Variants in SPATA9 observed in about 807,000 individuals in gnomAD.
SPATA9 encodes the protein spermatogenesis associated 9.
SPATA9 carries 27 observed loss-of-function variants against 25.5 expected under a neutral mutation model. The observed-to-expected ratio is 1.06, with a 90% CI of 0.78 to 1.46. The LOEUF is 1.46. SPATA9 is among the 40% of genes most tolerant of loss of function. The pLI, the probability that SPATA9 is intolerant of heterozygous loss-of-function variation, is 0.00. For missense variants in SPATA9, 282 were observed against 297.5 expected (o/e 0.95, Z 0.38); for synonymous variants, 102 against 105.7 (o/e 0.97, Z 0.21).
the SPATA9 span, among the ~76,000 whole-genome samples, chr5:95,710,593 C>A: frequency 6.6e-6 from 1 of 152,264 alleles, no homozygotes; most frequent in South Asian, 2.1e-4. Context: ...AGTAAGCACC[C>A]CTTTAGCAAC....
the SPATA9 span, among the ~76,000 whole-genome samples, chr5:95,726,332 G>A: frequency 6.6e-6 from 1 of 152,300 alleles, no homozygotes; most frequent in Non-Finnish European, 1.5e-5. Flanking sequence ...CAGCTCAGAA[G>A]AGACTTTGTA....
chr5:95,656,344 G>C, downstream of SPATA9: 1 of 1,517,118 alleles, frequency 6.6e-7, no homozygotes, highest in Non-Finnish European at 9.0e-7. Flanking sequence ...TGTTGTGTAT[G>C]CTTGAAAACA....
At chr5:95,659,250 A>T (rs1463424106) in intron 4 of SPATA9, 1 of 196,168 alleles carries the variant, frequency 5.1e-6, no homozygotes, top group Admixed American at 5.5e-5. Context: ...GTCCTCAAAC[A>T]TGGTTTTTCT....
At position 95,675,614 on chromosome 5, in the gene SPATA9, G is replaced by A; in HGVS notation, c.176C>T (p.Ser59Phe). Reference sequence around the variant, plus strand: ...TAAAGCAATAGCCATCCTGATTTTGGATGTTTTCTGCGCAGGTTCTCTTTT... The same window carrying A: ...TAAAGCAATAGCCATCCTGATTTTGAATGTTTTCTGCGCAGGTTCTCTTTT... ...NQKREPAQKT[S>F]KIRMAIALAK... Residue 59 changes from serine to phenylalanine, a missense_variant, in exon 3 of 5, where the codon TCC becomes TTC. Physicochemically the swap from Ser to Phe is radical, Grantham distance 155 (BLOSUM62 -2). Transcript: ENST00000274432. 1 of 1,614,096 alleles carries A rather than the reference G, an allele frequency of 6.2e-7. No homozygotes were observed. Among genetic ancestry groups the A allele is most frequent in the Non-Finnish European group, 8.5e-7 (1 of 1,180,012 alleles).
At position 95,688,343 on chromosome 5, in the gene SPATA9, C is replaced by T. The variant is rs866558653; in HGVS notation, n.124+10245G>A. ...TCAAAACTCACTGCAGCCCCAAACT[C>T]CTGGTTTCAAATGATCTTCCCACCT... On this transcript the variant is annotated intron_variant and non_coding_transcript_variant, in intron 1 of 2. Transcript: ENST00000379990. Among the ~76,000 whole-genome samples, 21 of 152,252 alleles carry T rather than the reference C, an allele frequency of 1.4e-4. No individual in the cohort carries two copies. In the Middle Eastern group the frequency reaches 0.014, roughly 99 times the overall value.
chr5:95,696,266 G>C (rs1232581420), intron 1 of SPATA9, among the ~76,000 whole-genome samples: 1 of 147,454 alleles, frequency 6.8e-6, no homozygotes, highest in Non-Finnish European at 1.5e-5. Context: ...TTTTTACATA[G>C]TAAAATAAAA....
the SPATA9 span, among the ~76,000 whole-genome samples, chr5:95,712,089 T>C: frequency 1.3e-5 from 2 of 152,200 alleles, no homozygotes. Flanking sequence ...CATAAATGAC[T>C]AAGTTTTACA....
chr5:95,669,516 G>A (rs892081748), intron 3 of SPATA9, among the ~76,000 whole-genome samples: 5 of 152,242 alleles, frequency 3.3e-5, no homozygotes, highest in East Asian at 1.9e-4. Context: ...CATTGTAAAC[G>A]CTGAGGATTT....
At chr5:95,659,165 C>A in intron 4 of SPATA9, 1 of 356,214 alleles carries the variant, frequency 2.8e-6, no homozygotes, top group Non-Finnish European at 5.0e-6. Context: ...ATCTTTTCCC[C>A]CCAATTCATT....
intron 3 of SPATA9, among the ~76,000 whole-genome samples, chr5:95,668,426 TA>T (rs1180470268): frequency 1.3e-5 from 2 of 152,206 alleles, no homozygotes; most frequent in African/African-American, 4.8e-5. Context: ...ATGATTCACT[TA>T]AAAAACATGT....
In SPATA9 at chr5:95,682,625, A is replaced by G; in HGVS notation, c.62-9T>C. 1 of 1,604,490 alleles carries G rather than the reference A, an allele frequency of 6.2e-7. No homozygotes were observed. Among genetic ancestry groups the G allele is most frequent in the Non-Finnish European group, 8.5e-7 (1 of 1,175,982 alleles). On this transcript the variant is annotated splice_polypyrimidine_tract_variant and intron_variant, in intron 1 of 4. Transcript: ENST00000274432. ...TTTCTGGATCCCCTCGACTAAGACAAAAAGAGGTTAGGAAAAAGAAAACTT... is the reference window on the plus strand; with the variant it reads ...TTTCTGGATCCCCTCGACTAAGACAGAAAGAGGTTAGGAAAAAGAAAACTT...
intron 1 of SPATA9, among the ~76,000 whole-genome samples, chr5:95,689,121 A>AAT (rs1753821621): frequency 6.6e-6 from 1 of 152,226 alleles, no homozygotes; most frequent in Non-Finnish European, 1.5e-5. Flanking sequence ...CGTTATAGTG[A>AAT]ATACTGGCTC....
At chr5:95,691,140 C>T (rs529686193) in intron 1 of SPATA9, among the ~76,000 whole-genome samples, 27 of 150,194 alleles carry the variant, frequency 1.8e-4, no homozygotes, top group Admixed American at 3.3e-4. Context: ...GGCGTGAACC[C>T]GGGAGGGGGA....
At chr5:95,707,327 C>A in the SPATA9 span, among the ~76,000 whole-genome samples, 1 of 151,830 alleles carries the variant, frequency 6.6e-6, no homozygotes, top group South Asian at 2.1e-4. Flanking sequence ...ACCTTTAGAA[C>A]AAGAATAATT....
At chr5:95,661,180 C>T (rs898713389) in intron 4 of SPATA9, among the ~76,000 whole-genome samples, 1 of 152,058 alleles carries the variant, frequency 6.6e-6, no homozygotes, top group Non-Finnish European at 1.5e-5. Flanking sequence ...TCACAACATC[C>T]TGAGTCTATT....
the SPATA9 span, among the ~76,000 whole-genome samples, chr5:95,727,880 A>G: frequency 6.6e-6 from 1 of 152,214 alleles, no homozygotes; most frequent in South Asian, 2.1e-4. Flanking sequence ...TTTATCACTC[A>G]AATCACAGTA....
chr5:95,669,930 C>T (rs1252427433), intron 3 of SPATA9, among the ~76,000 whole-genome samples: 1 of 152,040 alleles, frequency 6.6e-6, no homozygotes, highest in African/African-American at 2.4e-5. Context: ...TCCTGCAGAA[C>T]CTGGAGGGGT....
chr5:95,654,157 G>A, downstream of SPATA9: 1 of 1,612,474 alleles, frequency 6.2e-7, no homozygotes, highest in Non-Finnish European at 8.5e-7. Context: ...CTGAAAGAAT[G>A]ACAGCTGTTG....
chr5:95,720,672 A>G, the SPATA9 span, among the ~76,000 whole-genome samples: 23 of 151,852 alleles, frequency 1.5e-4, no homozygotes, highest in East Asian at 3.9e-3. Flanking sequence ...ATTATACGTC[A>G]CTGCTTCTTA....
Sources: gnomAD v4.1 joint callset for allele counts (sites outside exome capture counted in the v4.1 genomes callset) on GRCh38, gnomAD v4.1.1 for gene constraint, MANE v1.5 for transcripts, NCBI Gene and HGNC (gene_info 2026-07-23, HGNC 2026-07-21) for gene names.